CHPT1: variants seen among roughly 807,000 people sequenced by gnomAD.
The protein encoded by CHPT1 is choline phosphotransferase 1, also known as cholinephosphotransferase 1.
A neutral mutation model predicts 47.6 loss-of-function variants in CHPT1; 36 were observed. That is an observed-to-expected ratio of 0.76 (90% CI 0.58 to 1.00). The LOEUF is 1.00. CHPT1 is among the 50% of genes least tolerant of loss of function. The probability of loss-of-function intolerance (pLI) is 0.00; values close to 1 mark genes in which losing one functional copy is unlikely to be tolerated. For missense variants in CHPT1, 458 were observed against 498.1 expected (o/e 0.92, Z 0.77); for synonymous variants, 194 against 186.3 (o/e 1.04, Z -0.33).
Position 101,698,003 on chromosome 12 carries a change from C to G in CHPT1, c.142C>G (p.Leu48Val). 6.4e-7 allele frequency: 1 copy of G among 1,568,834 alleles called. No homozygotes were observed. The highest frequency in any genetic ancestry group is 8.6e-7 in the Non-Finnish European group (1 of 1,167,476). ...CTCGCTGCTCGAGCCGCCGCTGCAG[C>G]TCTACTGGACCTGGCTGCTCCAGTG... ...GVSLLEPPLQLYWTWLLQWIP... is the reference protein window; with the variant it reads ...GVSLLEPPLQVYWTWLLQWIP... The change falls in exon 1 of 9, where the codon CTC becomes GTC. Residue 48 changes from leucine (L) to valine (V), a missense_variant. By Grantham distance (32) the Leu-to-Val change is conservative (BLOSUM62 1). Coordinates refer to ENST00000229266, the MANE Select transcript of CHPT1 (RefSeq NM_020244.3).
At chr12:101,726,506 A>G (rs1951947901) in intron 8 of CHPT1, 102 bp downstream of exon 8, 1 of 1,473,808 alleles carries the variant, frequency 6.8e-7, no homozygotes, top group Non-Finnish European at 9.0e-7. Flanking sequence ...AGGCTAGTAT[A>G]CCATCAATAA....
intron 1 of CHPT1, among the ~76,000 whole-genome samples, chr12:101,700,334 A>AC (rs1951536202): frequency 6.6e-6 from 1 of 151,818 alleles, no homozygotes; most frequent in African/African-American, 2.4e-5. Flanking sequence ...AAAAAAAAAA[A>AC]AAAAAGGGTG....
rs184717299 is a variant in CHPT1, at chr12:101,721,114, G to A, written c.780+860G>A. Among the ~76,000 whole-genome samples, 5 of 151,900 alleles carry A rather than the reference G, an allele frequency of 3.3e-5. No homozygotes were observed. In the East Asian group the frequency reaches 9.7e-4, roughly 29 times the overall value. ...CTGGCCAACATGGTGAAACCCTGTCGCTACCAAAAATACAAAAAAATTAGC... is the reference window on the plus strand; with the variant it reads ...CTGGCCAACATGGTGAAACCCTGTCACTACCAAAAATACAAAAAAATTAGC... On this transcript the variant is annotated intron_variant, in intron 5 of 8. Transcript: ENST00000229266.
At chr12:101,710,714 G>A (rs74760799) in intron 1 of CHPT1, among the ~76,000 whole-genome samples, 2 of 148,940 alleles carry the variant, frequency 1.3e-5, no homozygotes, top group East Asian at 4.0e-4. Context: ...GTTAATACCT[G>A]ACCATGAGAC....
At chr12:101,712,861 A>G (rs1291347917) in intron 1 of CHPT1, among the ~76,000 whole-genome samples, 1 of 148,530 alleles carries the variant, frequency 6.7e-6, no homozygotes, top group East Asian at 2.0e-4. Flanking sequence ...ACTTCTGTTC[A>G]TATTGATTCT....
At chr12:101,701,459 C>T (rs578145809) in intron 1 of CHPT1, among the ~76,000 whole-genome samples, 1 of 152,212 alleles carries the variant, frequency 6.6e-6, no homozygotes. Context: ...TGACTCCTCT[C>T]AACAACCTTA....
Position 101,711,213 on chromosome 12 carries a change from C to T in CHPT1, c.274-2877C>T, listed in dbSNP as rs569565930. On this transcript the variant is annotated intron_variant, in intron 1 of 8. Coordinates refer to ENST00000229266, the MANE Select transcript of CHPT1 (RefSeq NM_020244.3). ...TACCCAAAGGAAATGAAATCATCGC[C>T]GTAAAAAGATACTTGCACTCCCATG... Among the ~76,000 whole-genome samples the T allele has an allele frequency of 1.0e-4, 15 of 148,462 alleles. 2 individuals carry two copies. The highest frequency in any genetic ancestry group is 3.2e-4 in the African/African-American group (13 of 41,086).
At chr12:101,718,628 C>T (rs1357152630) in intron 4 of CHPT1, among the ~76,000 whole-genome samples, 1 of 148,744 alleles carries the variant, frequency 6.7e-6, no homozygotes, top group African/African-American at 2.5e-5. Flanking sequence ...CCACTGACTA[C>T]ACTCCTGCCT....
At chr12:101,701,595 T>C (rs1307602830) in intron 1 of CHPT1, among the ~76,000 whole-genome samples, 2 of 152,218 alleles carry the variant, frequency 1.3e-5, no homozygotes, top group East Asian at 3.8e-4. Context: ...GCTTCCTTTG[T>C]AGGGCTTTGT....
rs750471230 is a variant in CHPT1 at position 101,720,305 on chromosome 12, A to G, written c.780+51A>G. 16 of 1,456,776 alleles carry G rather than the reference A, an allele frequency of 1.1e-5. No homozygotes were observed. In the South Asian group the frequency reaches 1.8e-4, roughly 16 times the overall value. The allele number at this position is 1,456,776 out of a possible 1,614,324, so 90.2% of individuals were successfully genotyped here. A position where few individuals can be genotyped will look rare whatever the true frequency, so the allele number is the denominator to read the frequency against. On this transcript the variant is annotated intron_variant, in intron 5 of 8. Coordinates refer to ENST00000229266, the MANE Select transcript of CHPT1 (RefSeq NM_020244.3). ...TGTCAATTTTATGATACATTTTCTT[A>G]TCACCAGTTATAAAAAGATTAAAAT...
intron 8 of CHPT1, 185 bp from the exon 9 acceptor site, chr12:101,728,716 T>C: frequency 1.6e-6 from 1 of 618,294 alleles, no homozygotes; most frequent in Non-Finnish European, 2.7e-6. Context: ...ACTAAAGAGC[T>C]GAAAGCTTAA....
intron 8 of CHPT1, chr12:101,727,574 A>T (rs1161714902): frequency 6.6e-6 from 1 of 152,146 alleles, no homozygotes; most frequent in Non-Finnish European, 1.5e-5. Context: ...AAACAGTGAA[A>T]GATGATATTC....
Position 101,726,372 on chromosome 12 carries a change from T to C in CHPT1, c.1144T>C (p.Phe382Leu), listed in dbSNP as rs571410794. 6.2e-7 allele frequency: 1 copy of C among 1,613,244 alleles called. No homozygotes were observed. Among genetic ancestry groups the C allele is most frequent in the African/African-American group, 1.3e-5 (1 of 75,022 alleles). ...QISRHLHLNI[F>L]KTACHQAPEQ... ...TTCAAGACACCTTCATCTAAATATA[T>C]TCAAGACTGCATGTCATCAAGCACC... is the stretch of plus-strand genomic sequence containing the variant. Residue 382 changes from phenylalanine to leucine, a missense_variant, in exon 8 of 9, where the codon TTC becomes CTC. Transcript: ENST00000229266.
At chr12:101,715,226 A>G (rs1951747668) in intron 3 of CHPT1, 1 of 152,244 alleles carries the variant, frequency 6.6e-6, no homozygotes. Flanking sequence ...CAGGAATACT[A>G]TTCTCTGTTC....
At chr12:101,723,137 T>C (rs1460624065) in intron 5 of CHPT1, 31 bp from the exon 6 acceptor site, 1 of 1,593,950 alleles carries the variant, frequency 6.3e-7, no homozygotes, top group Non-Finnish European at 8.6e-7. Flanking sequence ...AGTGTTAAAA[T>C]GTGATACTGA....
intron 1 of CHPT1, among the ~76,000 whole-genome samples, chr12:101,698,559 A>G (rs1951500599): frequency 6.6e-6 from 1 of 152,170 alleles, no homozygotes; most frequent in Admixed American, 6.5e-5. Context: ...CAAGCCCGAG[A>G]CGCCCTTTGA....
intron 1 of CHPT1, among the ~76,000 whole-genome samples, chr12:101,700,976 AT>A: frequency 6.6e-6 from 1 of 152,300 alleles, no homozygotes; most frequent in East Asian, 1.9e-4. Flanking sequence ...AGGTTTTTCG[AT>A]TTAGATGCTT....
rs1186641014 is a variant in CHPT1, at chr12:101,720,206, C to T, written c.732C>T (p.Phe244=). 1 of 1,604,176 alleles carries T rather than the reference C, an allele frequency of 6.2e-7. No homozygotes were observed. The highest frequency in any genetic ancestry group is 2.3e-5 in the East Asian group (1 of 44,346). ...GGVIFSCSNY[F]HVILHGGVGK... ...TAATATTTTCCTGTTCAAATTATTT[C>T]CATGTTATCCTCCATGGTGGTGTTG... Residue 244 remains phenylalanine, a synonymous_variant, in exon 5 of 9, where the codon TTC becomes TTT. Coordinates refer to ENST00000229266, the MANE Select transcript of CHPT1 (RefSeq NM_020244.3).
chr12:101,709,388 CAAAAAAAA>C (rs544323245), intron 1 of CHPT1, among the ~76,000 whole-genome samples: 6 of 71,450 alleles, frequency 8.4e-5, no homozygotes, highest in South Asian at 4.8e-4. Flanking sequence ...AGACCTGTGT[CAAAAAAAA>C]AAAAAAAAAA....
Sources: gnomAD v4.1 joint callset for allele counts (sites outside exome capture counted in the v4.1 genomes callset) on GRCh38, gnomAD v4.1.1 for gene constraint, MANE v1.5 for transcripts, NCBI Gene and HGNC (gene_info 2026-07-23, HGNC 2026-07-21) for gene names.